The following KRT18 variants were observed in gnomAD, a reference collection of about 807,000 sequenced individuals.
The protein encoded by KRT18 is keratin 18.
In KRT18, 8 loss-of-function variants were observed where a neutral mutation model predicts 39.9. That is an observed-to-expected ratio of 0.20 (90% CI 0.12 to 0.36). KRT18 has a LOEUF of 0.36. Ranked by LOEUF, KRT18 falls within the 10% of genes least tolerant of loss-of-function variation. The pLI is 1.00. For missense variants in KRT18, 396 were observed against 565.7 expected (o/e 0.70, Z 3.04); for synonymous variants, 194 against 227.8 (o/e 0.85, Z 1.33).
intron 1 of KRT18, chr12:52,949,892 C>T (rs750853304): frequency 1.3e-4 from 88 of 677,214 alleles, no homozygotes; most frequent in Non-Finnish European, 2.1e-4. Flanking sequence ...CTGGCTCTGG[C>T]GGAATGGGGA....
intron 1 of KRT18, 65 bp downstream of exon 1, chr12:52,949,655 C>G: frequency 7.1e-7 from 1 of 1,416,210 alleles, no homozygotes; most frequent in Non-Finnish European, 9.9e-7. Context: ...ACTCCTTTGC[C>G]TCTTTCCGTC....
chr12:52,952,464 C>T (rs1942508820), intron 6 of KRT18, 122 bp downstream of exon 6: 2 of 809,206 alleles, frequency 2.5e-6, no homozygotes, highest in Non-Finnish European at 2.1e-6. Flanking sequence ...TGGGCCGTTG[C>T]TCCGTGGGTG....
chr12:52,952,044 AG>A, intron 5 of KRT18, 74 bp from the exon 6 acceptor site: 1 of 1,375,984 alleles, frequency 7.3e-7, no homozygotes, highest in Admixed American at 2.0e-5. Context: ...TGCCCAAAAA[AG>A]TTTCCAAAAG....
chr12:52,949,699 A>T, intron 1 of KRT18, 109 bp downstream of exon 1: 2 of 1,029,802 alleles, frequency 1.9e-6, no homozygotes, highest in Non-Finnish European at 3.0e-6. Flanking sequence ...CTCCACCGGG[A>T]GGGGGTTGGG....
intron 1 of KRT18, chr12:52,949,942 T>C (rs1355703814): frequency 1.4e-5 from 9 of 624,856 alleles, no homozygotes; most frequent in South Asian, 7.6e-5. Context: ...GGCTGAGTCA[T>C]CTAGGAGTAA....
chr12:52,951,603 T>G lies in KRT18; in HGVS notation c.780T>G (p.Ala260=). Residue 260 remains alanine, a synonymous_variant, in exon 4 of 7, where the codon GCT becomes GCG. Coordinates refer to ENST00000388835, the MANE Select transcript of KRT18 (RefSeq NM_000224.3). Reference sequence around the variant, plus strand: ...TCCGGGCCCAATATGACGAGCTGGCTCGGAAGAACCGAGAGGAGCTAGACA... The same window carrying G: ...TCCGGGCCCAATATGACGAGCTGGCGCGGAAGAACCGAGAGGAGCTAGACA... The part of the protein sequence containing the change: ...ADIRAQYDEL[A]RKNREELDKY... The G allele has an allele frequency of 6.2e-7, 1 of 1,613,882 alleles. No homozygotes were observed. The highest frequency in any genetic ancestry group is 8.5e-7 in the Non-Finnish European group (1 of 1,179,988).
At chr12:52,949,062 G>C (rs1010524694), upstream of KRT18, 446 of 1,044,574 alleles carry the variant, frequency 4.3e-4, 1 homozygote, top group Non-Finnish European at 5.9e-4. Context: ...AAGCGGCTCC[G>C]GGGCGGGGGC....
At chr12:52,952,657 A>G in intron 6 of KRT18, 65 bp from the exon 7 acceptor site, 1 of 1,585,514 alleles carries the variant, frequency 6.3e-7, no homozygotes, top group Non-Finnish European at 8.6e-7. Flanking sequence ...TTTTCCCTCT[A>G]CCTTTCTTGT....
upstream of KRT18, chr12:52,949,004 G>A (rs1466719974): frequency 5.2e-6 from 3 of 576,312 alleles, no homozygotes; most frequent in Admixed American, 7.3e-5. Flanking sequence ...AGCGGCCCGG[G>A]GCGGAGGGCG....
At position 52,950,738 on chromosome 12, in the gene KRT18, C is replaced by T. The variant is rs1942469271; in HGVS notation, c.501-12C>T. 2.5e-6 allele frequency: 4 copies of T among 1,608,452 alleles called. No individual in the cohort carries two copies. Among genetic ancestry groups the T allele is most frequent in the African/African-American group, 2.7e-5 (2 of 74,786 alleles). ...GAGATAGGGGCCCCTCTGATCACCT[C>T]CACTCCTATAGGTATGAGACAGAGC... is the stretch of plus-strand genomic sequence containing the variant. On this transcript the variant is annotated splice_polypyrimidine_tract_variant and intron_variant, in intron 2 of 6. Transcript: ENST00000388835.
chr12:52,952,055 G>A, intron 5 of KRT18, 64 bp from the exon 6 acceptor site: 2 of 1,420,794 alleles, frequency 1.4e-6, no homozygotes, highest in Non-Finnish European at 1.9e-6. Context: ...GTTTCCAAAA[G>A]TGAAGGGATG....
chr12:52,952,468 G>A (rs972673944), intron 6 of KRT18, 126 bp downstream of exon 6: 48 of 799,626 alleles, frequency 6.0e-5, no homozygotes, highest in Middle Eastern at 4.4e-4. Flanking sequence ...CCGTTGCTCC[G>A]TGGGTGCTCC....
chr12:52,949,331 G>C lies in KRT18; in HGVS notation c.158G>C (p.Ser53Thr). ...CGGATCTCCGTGTCCCGCTCCACCA[G>C]CTTCAGGGGCGGCATGGGGTCCGGG... Reference protein sequence around the residue: ...GSRISVSRSTSFRGGMGSGGL... With the variant: ...GSRISVSRSTTFRGGMGSGGL... The change falls in exon 1 of 7, where the codon AGC becomes ACC. Residue 53 changes from serine (S) to threonine (T), a missense_variant. Ser to Thr is a moderately conservative substitution (Grantham distance 58, BLOSUM62 1). Transcript: ENST00000388835. 6.2e-7 allele frequency: 1 copy of C among 1,609,800 alleles called. No homozygotes were observed. Among genetic ancestry groups the C allele is most frequent in the Non-Finnish European group, 8.5e-7 (1 of 1,179,504 alleles).
rs1333085811 is a variant in KRT18 at position 52,949,263 on chromosome 12, C to T, written c.90C>T (p.Ser30=). ...QAPSYGARPV[S]SAASVYAGAG... ...CCAGCTACGGCGCCCGGCCGGTCAG[C>T]AGCGCGGCCAGCGTCTATGCAGGCG... The change falls in exon 1 of 7, where the codon AGC becomes AGT. Residue 30 remains serine (S), a synonymous_variant. Transcript: ENST00000388835. The T allele has an allele frequency of 1.2e-6, 2 of 1,611,056 alleles. No homozygotes were observed. Among genetic ancestry groups the T allele is most frequent in the Non-Finnish European group, 1.7e-6 (2 of 1,179,848 alleles).
Position 52,952,893 on chromosome 12 carries a change from C to T in KRT18, c.*51C>T. The T allele has an allele frequency of 6.4e-7, 1 of 1,552,998 alleles. No homozygotes were observed. The highest frequency in any genetic ancestry group is 1.1e-5 in the South Asian group (1 of 89,972). On this transcript the variant is annotated 3_prime_UTR_variant, in exon 7 of 7. Transcript: ENST00000388835. ...GGGAGCAGGAGGCCAATAAAAAGTT[C>T]AGAGTTCATTGGATGTCACTTTGTC...
chr12:52,950,312 T>TC lies in KRT18; in HGVS notation c.418-15dup. 1.3e-6 allele frequency: 2 copies of TC among 1,574,186 alleles called. No homozygotes were observed. The highest frequency in any genetic ancestry group is 1.7e-6 in the Non-Finnish European group (2 of 1,144,394). ...CTTTCTATTCATGGAACAACCTCTC[T>TC]CTACAATCCCTCCAGATCTTCGCAA... On this transcript the variant is annotated splice_polypyrimidine_tract_variant and intron_variant, in intron 1 of 6. Coordinates refer to ENST00000388835, the MANE Select transcript of KRT18 (RefSeq NM_000224.3).
In KRT18 at chr12:52,951,447, G is replaced by A. The variant is rs542753737; in HGVS notation, c.658-34G>A. The A allele has an allele frequency of 8.1e-6, 13 of 1,611,216 alleles. No homozygotes were observed. The South Asian group carries it at 1.4e-4, about 18-fold the overall frequency. On this transcript the variant is annotated intron_variant, in intron 3 of 6. Transcript: ENST00000388835. ...AAGGCCTTGTTGGAGCTCTGACCCTGAACCCTCCTCACTTTTGCCCCTGTC... is the reference window on the plus strand; with the variant it reads ...AAGGCCTTGTTGGAGCTCTGACCCTAAACCCTCCTCACTTTTGCCCCTGTC...
intron 1 of KRT18, chr12:52,950,095 G>T: frequency 1.5e-6 from 1 of 646,320 alleles, no homozygotes; most frequent in Admixed American, 2.6e-5. Context: ...AGGCCAGCCA[G>T]CTAGCCAGCC....
At position 52,950,342 on chromosome 12, in the gene KRT18, T is replaced by C. The variant is rs1389721671; in HGVS notation, c.432T>C (p.Thr144=). The C allele has an allele frequency of 3.1e-6, 5 of 1,612,578 alleles. No individual in the cohort carries two copies. Among genetic ancestry groups the C allele is most frequent in the East Asian group, 2.2e-5 (1 of 44,882 alleles). Residue 144 remains threonine (T), a synonymous_variant, in exon 2 of 7, where the codon ACT becomes ACC. Transcript: ENST00000388835. ...EDLRAQIFAN[T]VDNARIVLQI... is the part of the protein sequence containing the mutation. ...AATCCCTCCAGATCTTCGCAAATAC[T>C]GTGGACAATGCCCGCATCGTTCTGC...
Sources: allele counts gnomAD v4.1 joint callset, GRCh38; gene constraint gnomAD v4.1.1; transcripts MANE v1.5; gene names NCBI Gene and HGNC (gene_info 2026-07-23, HGNC 2026-07-21).